The following FOXP1 variants were observed in gnomAD, a reference collection of about 807,000 sequenced individuals.
FOXP1 encodes forkhead box protein P1.
In FOXP1, 15 loss-of-function variants were observed where a neutral mutation model predicts 98.2. The observed-to-expected ratio is 0.15, with a 90% CI of 0.10 to 0.24. The LOEUF is 0.24. FOXP1 is among the 10% of genes least tolerant of loss of function. The pLI is 1.00. For missense variants in FOXP1, 633 were observed against 848.5 expected (o/e 0.75, Z 3.15); for synonymous variants, 371 against 314.5 (o/e 1.18, Z -1.90).
At chr3:71,120,719 G>T (rs1414811506) in intron 6 of FOXP1, among the ~76,000 whole-genome samples, 3 of 152,092 alleles carry the variant, frequency 2.0e-5, no homozygotes, top group Non-Finnish European at 4.4e-5. Context: ...AGAGGTAAAG[G>T]CCAGGCCAAA....
chr3:70,993,750 T>G (rs1176844642), intron 13 of FOXP1, among the ~76,000 whole-genome samples: 2 of 152,162 alleles, frequency 1.3e-5, no homozygotes, highest in Non-Finnish European at 2.9e-5. Context: ...ATCCCAGCAC[T>G]CTGGGAGGCC....
chr3:71,206,595 A>G (rs2064051570), intron 5 of FOXP1, among the ~76,000 whole-genome samples: 1 of 140,000 alleles, frequency 7.1e-6, no homozygotes, highest in South Asian at 2.3e-4. Flanking sequence ...CAATGTGAAG[A>G]CAGGAGACTT....
At chr3:71,310,543 T>G (rs1293660311) in intron 4 of FOXP1, among the ~76,000 whole-genome samples, 1 of 152,244 alleles carries the variant, frequency 6.6e-6, no homozygotes, top group Non-Finnish European at 1.5e-5. Flanking sequence ...AATTAAGGTC[T>G]GCCAGGCAGA....
chr3:71,336,937 C>G (rs2076721879), intron 4 of FOXP1, among the ~76,000 whole-genome samples: 1 of 152,052 alleles, frequency 6.6e-6, no homozygotes, highest in African/African-American at 2.4e-5. Context: ...CTGGGGAACC[C>G]TACAGCTCAG....
At chr3:71,560,280 A>G (rs978193890) in intron 2 of FOXP1, among the ~76,000 whole-genome samples, 2 of 152,220 alleles carry the variant, frequency 1.3e-5, no homozygotes, top group Non-Finnish European at 2.9e-5. Context: ...GAACTCCTGC[A>G]ATAAAGATTA....
At chr3:71,292,296 G>C (rs1403105720) in intron 5 of FOXP1, among the ~76,000 whole-genome samples, 4 of 152,108 alleles carry the variant, frequency 2.6e-5, no homozygotes, top group African/African-American at 9.7e-5. Flanking sequence ...CCAACAATGG[G>C]AGGTTTCTCT....
intron 5 of FOXP1, among the ~76,000 whole-genome samples, chr3:71,287,534 C>G (rs1314433909): frequency 6.6e-6 from 1 of 151,986 alleles, no homozygotes; most frequent in Non-Finnish European, 1.5e-5. Context: ...AATCCCAGCT[C>G]TTTGGGAGGC....
At chr3:71,096,171 A>C (rs148791435) in intron 7 of FOXP1, among the ~76,000 whole-genome samples, 84 of 152,368 alleles carry the variant, frequency 5.5e-4, no homozygotes, top group African/African-American at 2.0e-3. Context: ...CTGCTACCCT[A>C]GAAGAAGGCT....
At chr3:71,513,070 G>A (rs895575760) in intron 2 of FOXP1, among the ~76,000 whole-genome samples, 6 of 152,020 alleles carry the variant, frequency 3.9e-5, no homozygotes, top group African/African-American at 1.5e-4. Context: ...TAACTCCCTG[G>A]GCTCCCAACC....
At chr3:71,150,290 C>A (rs1482548571) in intron 6 of FOXP1, among the ~76,000 whole-genome samples, 2 of 152,126 alleles carry the variant, frequency 1.3e-5, no homozygotes, top group Non-Finnish European at 2.9e-5. Context: ...CTTTAAAGAG[C>A]AATTATGGTT....
At chr3:71,028,642 T>G (rs775254992) in intron 11 of FOXP1, among the ~76,000 whole-genome samples, 5 of 152,212 alleles carry the variant, frequency 3.3e-5, no homozygotes, top group African/African-American at 1.2e-4. Context: ...TTCCAGGAAC[T>G]GGGGGGCAGG....
chr3:71,187,610 C>T (rs987528613), intron 6 of FOXP1, among the ~76,000 whole-genome samples: 7 of 152,018 alleles, frequency 4.6e-5, no homozygotes, highest in Non-Finnish European at 5.9e-5. Context: ...ACTAATGATA[C>T]AGTAAGTCTA....
At chr3:71,500,933 G>T (rs1458966152) in intron 2 of FOXP1, among the ~76,000 whole-genome samples, 4 of 152,134 alleles carry the variant, frequency 2.6e-5, no homozygotes, top group Non-Finnish European at 5.9e-5. Flanking sequence ...GGCTCACATC[G>T]TTAATTTCAG....
chr3:71,062,160 A>T (rs2051601510), intron 7 of FOXP1, among the ~76,000 whole-genome samples: 1 of 152,198 alleles, frequency 6.6e-6, no homozygotes, highest in Non-Finnish European at 1.5e-5. Context: ...ACAAAAAAAA[A>T]TTCAACCATT....
intron 6 of FOXP1, among the ~76,000 whole-genome samples, chr3:71,175,257 C>T (rs1488880674): frequency 1.3e-5 from 2 of 152,166 alleles, no homozygotes; most frequent in Non-Finnish European, 2.9e-5. Context: ...ATGTAAGCCA[C>T]CCAGAAACAT....
chr3:71,211,454 C>A (rs561603377), intron 5 of FOXP1, among the ~76,000 whole-genome samples: 4 of 152,090 alleles, frequency 2.6e-5, no homozygotes, highest in South Asian at 2.1e-4. Context: ...GATCTTCCCC[C>A]CTTGGCCTCC....
intron 3 of FOXP1, among the ~76,000 whole-genome samples, chr3:71,437,412 C>A (rs1577506507): frequency 6.6e-6 from 1 of 151,902 alleles, no homozygotes; most frequent in Non-Finnish European, 1.5e-5. Flanking sequence ...GTCTCAAAAG[C>A]AAAACAAAAC....
At chr3:71,521,240 G>A (rs2042961604) in intron 2 of FOXP1, among the ~76,000 whole-genome samples, 1 of 152,130 alleles carries the variant, frequency 6.6e-6, no homozygotes, top group South Asian at 2.1e-4. Flanking sequence ...AATATAAGAA[G>A]GGGCCAGGAG....
intron 2 of FOXP1, among the ~76,000 whole-genome samples, chr3:71,514,944 C>T (rs1358685831): frequency 1.3e-5 from 2 of 152,114 alleles, no homozygotes; most frequent in South Asian, 2.1e-4. Context: ...AGATGCAAAC[C>T]TATTATTAAA....
Sources: allele counts gnomAD v4.1 joint callset (sites outside exome capture counted in the v4.1 genomes callset), GRCh38; gene constraint gnomAD v4.1.1; transcripts MANE v1.5; gene names NCBI Gene and HGNC (gene_info 2026-07-23, HGNC 2026-07-21).